Variants in RAB7A observed in about 807,000 individuals in gnomAD.
RAB7A encodes ras-related protein Rab-7a.
In RAB7A, 2 loss-of-function variants were observed where a neutral mutation model predicts 24.5. The observed-to-expected ratio is 0.08, with a 90% CI of 0.03 to 0.26. RAB7A has a LOEUF of 0.26. Among genes scored for constraint, RAB7A ranks in the 10% least tolerant of loss-of-function variants. The probability of loss-of-function intolerance (pLI) is 1.00; values close to 1 mark genes in which losing one functional copy is unlikely to be tolerated. For missense variants in RAB7A, 118 were observed against 255.7 expected (o/e 0.46, Z 3.67); for synonymous variants, 100 against 95.9 (o/e 1.04, Z -0.25).
At chr3:128,740,763 T>C (rs905344011) in intron 1 of RAB7A, among the ~76,000 whole-genome samples, 26 of 150,192 alleles carry the variant, frequency 1.7e-4, no homozygotes, top group African/African-American at 6.4e-4. Context: ...AATAGCTGGG[T>C]GTGGTGGCAC....
intron 1 of RAB7A, among the ~76,000 whole-genome samples, chr3:128,731,239 A>G (rs1479217207): frequency 1.3e-5 from 2 of 152,224 alleles, no homozygotes; most frequent in African/African-American, 2.4e-5. Flanking sequence ...GAGAGTGCAT[A>G]ATTACAAAGC....
chr3:128,792,052 A>G (rs946312626), intron 1 of RAB7A, among the ~76,000 whole-genome samples: 2 of 152,140 alleles, frequency 1.3e-5, no homozygotes, highest in Non-Finnish European at 2.9e-5. Flanking sequence ...ATTTTTTCCA[A>G]ATTTTTGTTA....
Position 128,805,489 on chromosome 3 carries a change from A to G in RAB7A, c.181-883A>G, listed in dbSNP as rs116031960. ...TAGCATGGCAGTGAATGAGGTGACC[A>G]GCTTAGAGCTGGGCGGTAGTACCTG... On this transcript the variant is annotated intron_variant, in intron 3 of 5. Coordinates refer to ENST00000265062, the MANE Select transcript of RAB7A (RefSeq NM_004637.6). 9.1e-4 allele frequency among the ~76,000 whole-genome samples: 138 copies of G among 152,292 alleles called. 1 individual carries two copies. Among genetic ancestry groups the G allele is most frequent in the African/African-American group, 3.2e-3 (131 of 41,550 alleles).
At chr3:128,772,532 G>GTT (rs2107601376) in intron 1 of RAB7A, among the ~76,000 whole-genome samples, 1 of 152,240 alleles carries the variant, frequency 6.6e-6, no homozygotes, top group South Asian at 2.1e-4. Flanking sequence ...TGCCTAATCT[G>GTT]TTAGTGTACT....
intron 1 of RAB7A, among the ~76,000 whole-genome samples, chr3:128,792,860 T>TATTTATTTATTC (rs1553721733): frequency 9.1e-5 from 11 of 120,598 alleles, no homozygotes; most frequent in Non-Finnish European, 1.6e-4. Flanking sequence ...TTTATTTATT[T>TATTTATTTATTC]ATTCATTTGA....
rs553722989 is a variant in RAB7A at position 128,767,240 on chromosome 3, A to T, written c.-8-28120A>T. Among the ~76,000 whole-genome samples, 16 of 152,290 alleles carry T rather than the reference A, an allele frequency of 1.1e-4. No individual in the cohort carries two copies. The South Asian group carries it at 2.5e-3, about 24-fold the overall frequency. On this transcript the variant is annotated intron_variant, in intron 1 of 5. Coordinates refer to ENST00000265062, the MANE Select transcript of RAB7A (RefSeq NM_004637.6). ...GTTTGAGTCACAGAATACAAGAGGG[A>T]TGCCCCTTCCAGGATCTGGGGGTTG...
At chr3:128,731,366 C>A (rs1362736350) in intron 1 of RAB7A, among the ~76,000 whole-genome samples, 1 of 152,218 alleles carries the variant, frequency 6.6e-6, no homozygotes, top group African/African-American at 2.4e-5. Context: ...ATATGAGGAT[C>A]CCTGAGATAA....
intron 1 of RAB7A, among the ~76,000 whole-genome samples, chr3:128,784,240 C>T (rs539958726): frequency 6.6e-6 from 1 of 152,236 alleles, no homozygotes; most frequent in East Asian, 1.9e-4. Context: ...CCAAGAAACA[C>T]GTTACTGTTT....
In RAB7A at chr3:128,740,408, C is replaced by T. The variant is rs566670200; in HGVS notation, c.-9+14049C>T. Among the ~76,000 whole-genome samples, 5 of 152,244 alleles carry T rather than the reference C, an allele frequency of 3.3e-5. No homozygotes were observed. In the South Asian group the frequency reaches 8.3e-4, roughly 25 times the overall value. ...ATTTATATTTTCCTACTTATCTAAT[C>T]ATTTCCTTAAGATTTAGTGAGTATA... On this transcript the variant is annotated intron_variant, in intron 1 of 5. Transcript: ENST00000265062.
chr3:128,747,563 G>T (rs2070630621), intron 1 of RAB7A, among the ~76,000 whole-genome samples: 1 of 151,336 alleles, frequency 6.6e-6, no homozygotes, highest in Non-Finnish European at 1.5e-5. Context: ...TCCAGCCTGG[G>T]CAAGAAGAGC....
chr3:128,764,928 G>T, intron 1 of RAB7A: 2 of 1,591,346 alleles, frequency 1.3e-6, no homozygotes, highest in South Asian at 1.1e-5. Flanking sequence ...CGTAGGAGGC[G>T]TAGAGCTCCA....
Position 128,813,823 on chromosome 3 carries a change from A to AT in RAB7A, c.*409dup, listed in dbSNP as rs1290970713. 34 of 272,406 alleles carry AT rather than the reference A, an allele frequency of 1.2e-4. No individual in the cohort carries two copies. Among genetic ancestry groups the AT allele is most frequent in the South Asian group, 2.7e-4 (7 of 26,304 alleles). The allele number at this position is 272,406 out of a possible 1,614,324, so 16.9% of individuals were successfully genotyped here. On this transcript the variant is annotated 3_prime_UTR_variant, in exon 6 of 6. Coordinates refer to ENST00000265062, the MANE Select transcript of RAB7A (RefSeq NM_004637.6). Reference sequence around the variant, plus strand: ...CAGTTAATCTGTGTCTAATTATCTGATTTTTTTTATTGGTCTTGTGGTCTT... The same window carrying AT: ...CAGTTAATCTGTGTCTAATTATCTGATTTTTTTTTATTGGTCTTGTGGTCTT...
In RAB7A at chr3:128,776,338, C is replaced by T. The variant is rs142722239; in HGVS notation, c.-8-19022C>T. On this transcript the variant is annotated intron_variant, in intron 1 of 5. Transcript: ENST00000265062. ...AGGCTGGAGTACAGTGGTGCGAACACAGCTCACTACAGCCTGGGTCTCCCA... is the reference window on the plus strand; with the variant it reads ...AGGCTGGAGTACAGTGGTGCGAACATAGCTCACTACAGCCTGGGTCTCCCA... Among the ~76,000 whole-genome samples, 8 of 152,054 alleles carry T rather than the reference C, an allele frequency of 5.3e-5. No homozygotes were observed. In the East Asian group the frequency reaches 1.5e-3, roughly 29 times the overall value.
chr3:128,789,852 G>A (rs1287528467), intron 1 of RAB7A, among the ~76,000 whole-genome samples: 1 of 149,854 alleles, frequency 6.7e-6, no homozygotes, highest in African/African-American at 2.5e-5. Flanking sequence ...GTGCAGTGGT[G>A]TGATCTCGGC....
chr3:128,804,653 T>C (rs984817644), intron 3 of RAB7A, among the ~76,000 whole-genome samples: 1 of 152,218 alleles, frequency 6.6e-6, no homozygotes, highest in South Asian at 2.1e-4. Context: ...GTTGACTTCT[T>C]TTTGATGTAT....
intron 1 of RAB7A, among the ~76,000 whole-genome samples, chr3:128,750,495 C>A (rs990900613): frequency 6.6e-6 from 1 of 152,162 alleles, no homozygotes; most frequent in African/African-American, 2.4e-5. Flanking sequence ...CTCCTGACTT[C>A]AGGTGATTCA....
intron 1 of RAB7A, among the ~76,000 whole-genome samples, chr3:128,750,804 T>C (rs2070673729): frequency 6.6e-6 from 1 of 152,222 alleles, no homozygotes; most frequent in South Asian, 2.1e-4. Flanking sequence ...GAGGTCCTCA[T>C]GGCAGCCCTT....
intron 1 of RAB7A, among the ~76,000 whole-genome samples, chr3:128,788,667 A>G (rs1044058075): frequency 6.6e-6 from 1 of 152,192 alleles, no homozygotes; most frequent in Non-Finnish European, 1.5e-5. Flanking sequence ...TCCTACCTGC[A>G]AGAATTCAGA....
At chr3:128,757,214 A>C (rs1320139706) in intron 1 of RAB7A, among the ~76,000 whole-genome samples, 1 of 152,168 alleles carries the variant, frequency 6.6e-6, no homozygotes, top group Admixed American at 6.5e-5. Flanking sequence ...ACCAGAGACT[A>C]TGCAAATTAA....
Sources: gnomAD v4.1 joint callset for allele counts (sites outside exome capture counted in the v4.1 genomes callset) on GRCh38, gnomAD v4.1.1 for gene constraint, MANE v1.5 for transcripts, NCBI Gene and HGNC (gene_info 2026-07-23, HGNC 2026-07-21) for gene names.